The following S100Z variants were observed in gnomAD, a reference collection of about 807,000 sequenced individuals.
The protein encoded by S100Z is protein S100-Z.
A neutral mutation model predicts 8.5 loss-of-function variants in S100Z; 11 were observed. The observed-to-expected ratio is 1.30, with a 90% CI of 0.82 to 2.15. The LOEUF (loss-of-function observed/expected upper bound fraction) is 2.15. S100Z is among the 30% of genes most tolerant of loss of function. The pLI, the probability that S100Z is intolerant of heterozygous loss-of-function variation, is 0.00. For synonymous variants in S100Z, 34 were observed against 43.8 expected (o/e 0.78, Z 0.89); for missense variants, 126 against 117.9 (o/e 1.07, Z -0.32).
chr5:76,939,956 G>A, the S100Z span, among the ~76,000 whole-genome samples: 2 of 151,800 alleles, frequency 1.3e-5, no homozygotes, highest in Non-Finnish European at 2.9e-5. Flanking sequence ...TCAAGAGATC[G>A]AGACCATTCT....
intron 4 of S100Z, among the ~76,000 whole-genome samples, chr5:76,882,246 G>A (rs74993610): frequency 1.3e-5 from 2 of 152,248 alleles, no homozygotes; most frequent in South Asian, 4.1e-4. Context: ...TTAAGGCAGC[G>A]GCAGCCACTG....
At chr5:76,910,520 C>T (rs771975479) in intron 4 of S100Z, among the ~76,000 whole-genome samples, 9 of 152,166 alleles carry the variant, frequency 5.9e-5, no homozygotes, top group Non-Finnish European at 1.3e-4. Context: ...GGCTTGTTAT[C>T]AGTGTGGTTT....
chr5:76,876,573 G>A (rs1743200682), intron 3 of S100Z, among the ~76,000 whole-genome samples: 1 of 152,038 alleles, frequency 6.6e-6, no homozygotes, highest in Non-Finnish European at 1.5e-5. Context: ...GTGTCACTAT[G>A]TTGGCCAGGC....
chr5:76,889,865 A>C (rs1743797518), intron 4 of S100Z, among the ~76,000 whole-genome samples: 1 of 152,244 alleles, frequency 6.6e-6, no homozygotes. Context: ...CCATCTCTGA[A>C]TGAGCAGCTA....
intron 2 of S100Z, among the ~76,000 whole-genome samples, chr5:76,874,569 C>T (rs112225497): frequency 3.3e-3 from 508 of 152,218 alleles, no homozygotes; most frequent in African/African-American, 0.011. Flanking sequence ...TTCATCTTCC[C>T]GGAAACAGGT....
chr5:76,910,467 G>A (rs1744611504), intron 4 of S100Z, among the ~76,000 whole-genome samples: 1 of 152,164 alleles, frequency 6.6e-6, no homozygotes. Flanking sequence ...AACCTTCATG[G>A]TTCAGAGAGG....
the S100Z span, among the ~76,000 whole-genome samples, chr5:76,931,232 G>A: frequency 2.6e-5 from 4 of 151,780 alleles, no homozygotes; most frequent in East Asian, 1.9e-4. Context: ...TCAGCCTCCC[G>A]AGTAGCTGGG....
intron 4 of S100Z, among the ~76,000 whole-genome samples, chr5:76,906,202 A>G (rs1744416597): frequency 1.3e-5 from 2 of 152,254 alleles, no homozygotes; most frequent in African/African-American, 4.8e-5. Context: ...TATATGGTAG[A>G]CAACGTGATG....
At chr5:76,947,626 T>C in the S100Z span, among the ~76,000 whole-genome samples, 5 of 152,254 alleles carry the variant, frequency 3.3e-5, no homozygotes, top group South Asian at 4.2e-4. Context: ...ATCACAAATC[T>C]ACAGTAGTTA....
chr5:76,857,645 T>C (rs1750923896), intron 1 of S100Z, among the ~76,000 whole-genome samples: 1 of 152,038 alleles, frequency 6.6e-6, no homozygotes, highest in Non-Finnish European at 1.5e-5. Context: ...ACTACCGGCA[T>C]GTGCCACTAT....
At chr5:76,943,010 TC>T in the S100Z span, among the ~76,000 whole-genome samples, 3 of 152,334 alleles carry the variant, frequency 2.0e-5, no homozygotes, top group African/African-American at 7.2e-5. Context: ...GTGGGGTGGT[TC>T]TTTTTTTTAT....
rs200345127 is a variant in S100Z, at chr5:76,874,215, A to C, written c.-56-1089A>C. On this transcript the variant is annotated intron_variant, in intron 2 of 4. Coordinates refer to ENST00000317593, the MANE Select transcript of S100Z (RefSeq NM_130772.4). Reference sequence around the variant, plus strand: ...ACTTCCTCTTTTTTTTTTTTTTTCAACTGTCCTTTGGGTTAGTTTAATCTA... The same window carrying C: ...ACTTCCTCTTTTTTTTTTTTTTTCACCTGTCCTTTGGGTTAGTTTAATCTA... 2.6e-3 allele frequency among the ~76,000 whole-genome samples: 387 copies of C among 148,626 alleles called. 2 individuals are homozygous for C. Among genetic ancestry groups the C allele is most frequent in the African/African-American group, 8.9e-3 (359 of 40,380 alleles).
the S100Z span, among the ~76,000 whole-genome samples, chr5:76,935,543 C>T: frequency 3.3e-5 from 5 of 152,092 alleles, no homozygotes; most frequent in Non-Finnish European, 5.9e-5. Context: ...CATCTCTTCT[C>T]TAAATGGAAA....
chr5:76,895,299 AAG>A (rs1470791647), intron 4 of S100Z, among the ~76,000 whole-genome samples: 1 of 152,194 alleles, frequency 6.6e-6, no homozygotes, highest in Non-Finnish European at 1.5e-5. Flanking sequence ...CCTTCATGGA[AAG>A]AGAGCAACTT....
Position 76,891,430 on chromosome 5 carries a change from A to T in S100Z, c.*2+13596A>T, listed in dbSNP as rs143722786. Among the ~76,000 whole-genome samples, 321 of 152,282 alleles carry T rather than the reference A, an allele frequency of 2.1e-3. 1 individual carries two copies. The highest frequency in any genetic ancestry group is 4.1e-3 in the Admixed American group (62 of 15,290). On this transcript the variant is annotated intron_variant, in intron 4 of 4. Transcript: ENST00000317593. ...GTTGAAAATTATTGCTTTTATGGTG[A>T]ATTGCTTCAACCAAATAATCAGATC...
chr5:76,922,997 C>T (rs1325994311), downstream of S100Z, among the ~76,000 whole-genome samples: 2 of 146,306 alleles, frequency 1.4e-5, no homozygotes. Context: ...TTCCCTTTGC[C>T]CCTACAATGC....
intron 2 of S100Z, among the ~76,000 whole-genome samples, chr5:76,875,044 G>T (rs1415277436): frequency 6.6e-6 from 1 of 152,018 alleles, no homozygotes; most frequent in Admixed American, 6.5e-5. Context: ...GCCCGCCGCC[G>T]CGCCCGGCTA....
the S100Z span, among the ~76,000 whole-genome samples, chr5:76,940,155 C>CA: frequency 0.42 from 49,364 of 116,492 alleles, 10,102 homozygotes; most frequent in Middle Eastern, 0.6. Flanking sequence ...GACTCCATCT[C>CA]AAAAAAAAAA....
chr5:76,939,805 G>A, the S100Z span, among the ~76,000 whole-genome samples: 3 of 151,878 alleles, frequency 2.0e-5, no homozygotes, highest in South Asian at 4.2e-4. Flanking sequence ...GAGCCGCCAC[G>A]CCCAGCCTAA....
Sources: gnomAD v4.1 joint callset for allele counts (sites outside exome capture counted in the v4.1 genomes callset) on GRCh38, gnomAD v4.1.1 for gene constraint, MANE v1.5 for transcripts, NCBI Gene and HGNC (gene_info 2026-07-23, HGNC 2026-07-21) for gene names.